The following CFAP107 variants were observed in gnomAD, a reference collection of about 807,000 sequenced individuals.
CFAP107 encodes cilia and flagella associated protein 107.
At chr1:12,756,079 A>G in the CFAP107 span, among the ~76,000 whole-genome samples, 2 of 152,214 alleles carry the variant, frequency 1.3e-5, no homozygotes, top group Non-Finnish European at 2.9e-5. Context: ...ATATAGGCAA[A>G]GAATGCAAGA....
At chr1:12,758,613 C>A in the CFAP107 span, among the ~76,000 whole-genome samples, 1 of 152,174 alleles carries the variant, frequency 6.6e-6, no homozygotes, top group Non-Finnish European at 1.5e-5. Flanking sequence ...AGAGGGCAAG[C>A]ATGGAAATCA....
At chr1:12,760,835 C>T in the CFAP107 span, 1 of 1,614,198 alleles carries the variant, frequency 6.2e-7, no homozygotes, top group South Asian at 1.1e-5. Flanking sequence ...CAAGGCTGGC[C>T]TGAAGCAGAG....
At chr1:12,759,542 C>T in the CFAP107 span, 3 of 1,596,480 alleles carry the variant, frequency 1.9e-6, no homozygotes, top group Non-Finnish European at 2.6e-6. Context: ...TTGCACAGAC[C>T]AACGGAGCTG....
chr1:12,761,531 G>GT, the CFAP107 span: 2,005 of 139,116 alleles, frequency 0.014, 20 homozygotes, highest in Non-Finnish European at 0.018. Context: ...AAATCTTTGT[G>GT]TTTTTTTTTT....
the CFAP107 span, chr1:12,760,732 G>T: frequency 5.0e-6 from 8 of 1,592,240 alleles, no homozygotes; most frequent in South Asian, 8.0e-5. Context: ...GACTCCTTCT[G>T]TAAGCCCCAT....
chr1:12,750,673 G>T, the CFAP107 span, among the ~76,000 whole-genome samples: 11 of 151,876 alleles, frequency 7.2e-5, no homozygotes, highest in Admixed American at 7.2e-4. Context: ...CCAAGAAGAA[G>T]GTACAATAGT....
At chr1:12,756,791 T>A in the CFAP107 span, among the ~76,000 whole-genome samples, 1 of 152,082 alleles carries the variant, frequency 6.6e-6, no homozygotes, top group African/African-American at 2.4e-5. Context: ...CGGCCCGAGG[T>A]GTGAAGTGGC....
the CFAP107 span, chr1:12,760,882 C>T: frequency 1.3e-5 from 21 of 1,614,010 alleles, 1 homozygote; most frequent in East Asian, 2.2e-5. Flanking sequence ...CACCGTTGTG[C>T]GCTATGTCCT....
chr1:12,757,104 GT>G, the CFAP107 span, among the ~76,000 whole-genome samples: 1 of 152,282 alleles, frequency 6.6e-6, no homozygotes, highest in African/African-American at 2.4e-5. Context: ...ACAAGTCAAA[GT>G]TAGAACCCAG....
chr1:12,760,786 T>C, the CFAP107 span: 2 of 1,613,846 alleles, frequency 1.2e-6, no homozygotes, highest in Non-Finnish European at 1.7e-6. Flanking sequence ...CTACAAACTA[T>C]GGACTCTATG....
chr1:12,750,669 A>G, the CFAP107 span, among the ~76,000 whole-genome samples: 1 of 152,222 alleles, frequency 6.6e-6, no homozygotes, highest in Non-Finnish European at 1.5e-5. Flanking sequence ...TTCACCAAGA[A>G]GAAGGTACAA....
At chr1:12,758,681 A>G in the CFAP107 span, among the ~76,000 whole-genome samples, 1 of 152,170 alleles carries the variant, frequency 6.6e-6, no homozygotes, top group Non-Finnish European at 1.5e-5. Flanking sequence ...TGGGCCCAAG[A>G]GGATTTTCTT....
At chr1:12,753,873 T>G in the CFAP107 span, 1 of 151,904 alleles carries the variant, frequency 6.6e-6, no homozygotes, top group Admixed American at 6.6e-5. Context: ...AAGACCAGCC[T>G]AGGCGACACA....
At chr1:12,747,532 C>T in the CFAP107 span, among the ~76,000 whole-genome samples, 3 of 152,182 alleles carry the variant, frequency 2.0e-5, no homozygotes, top group East Asian at 1.9e-4. Context: ...TAAAGCTTTT[C>T]AGAGACATCT....
At chr1:12,755,766 C>T in the CFAP107 span, 1 of 1,613,886 alleles carries the variant, frequency 6.2e-7, no homozygotes, top group Non-Finnish European at 8.5e-7. Context: ...CTTCCCAGAC[C>T]ACAGACCAGA....
At chr1:12,760,658 C>A in the CFAP107 span, 1 of 1,091,746 alleles carries the variant, frequency 9.2e-7, no homozygotes, top group Non-Finnish European at 1.3e-6. Flanking sequence ...CCTGACAGAG[C>A]AGCCTGGGAA....
chr1:12,755,586 T>G, the CFAP107 span: 1 of 738,302 alleles, frequency 1.4e-6, no homozygotes. Context: ...TGTCCAGGGG[T>G]TTATATTTAC....
chr1:12,754,944 T>G, the CFAP107 span, among the ~76,000 whole-genome samples: 1 of 152,330 alleles, frequency 6.6e-6, no homozygotes, highest in East Asian at 1.9e-4. Context: ...TGGTGATGAT[T>G]GCACAACAGC....
At chr1:12,746,370 C>T in the CFAP107 span, 1 of 1,401,040 alleles carries the variant, frequency 7.1e-7, no homozygotes, top group Non-Finnish European at 1.0e-6. Flanking sequence ...TAACACCTTC[C>T]TCTCCCCGCC....
Sources: gnomAD v4.1 joint callset for allele counts (sites outside exome capture counted in the v4.1 genomes callset) on GRCh38, gnomAD v4.1.1 for gene constraint, MANE v1.5 for transcripts, NCBI Gene and HGNC (gene_info 2026-07-23, HGNC 2026-07-21) for gene names.